AKAP13: variants seen among roughly 807,000 people sequenced by gnomAD.
AKAP13 encodes A-kinase anchor protein 13.
Under a neutral mutation model 264.5 loss-of-function variants are expected in AKAP13, and 80 were observed. The ratio of observed to expected loss-of-function variants is 0.30; its 90% CI spans 0.25 to 0.36. The LOEUF (loss-of-function observed/expected upper bound fraction) is 0.36, where lower values mean the gene tolerates loss of function less well. Ranked by LOEUF, AKAP13 falls within the 10% of genes least tolerant of loss-of-function variation. The probability of loss-of-function intolerance (pLI) is 1.00; values close to 1 mark genes in which losing one functional copy is unlikely to be tolerated. For synonymous variants in AKAP13, 1,380 were observed against 1,250.2 expected (o/e 1.10, Z -2.19); for missense variants, 3,712 against 3,435.2 (o/e 1.08, Z -2.01).
chr15:85,619,152 G>GGGA (rs568427036), intron 8 of AKAP13, among the ~76,000 whole-genome samples: 105 of 151,994 alleles, frequency 6.9e-4, no homozygotes, highest in African/African-American at 2.3e-3. Context: ...TCATAGGGGT[G>GGGA]GGAGGAGGAG....
chr15:85,574,000 A>T (rs1366545925), intron 5 of AKAP13, among the ~76,000 whole-genome samples: 2 of 152,224 alleles, frequency 1.3e-5, no homozygotes, highest in African/African-American at 4.8e-5. Flanking sequence ...GCATATTATG[A>T]AATTAAGGCT....
chr15:85,601,030 C>T (rs1326193109), intron 8 of AKAP13, among the ~76,000 whole-genome samples: 1 of 152,208 alleles, frequency 6.6e-6, no homozygotes, highest in Non-Finnish European at 1.5e-5. Context: ...CTAAAATATC[C>T]ATGTACTTGG....
chr15:85,404,827 A>G (rs889351792), intron 1 of AKAP13, among the ~76,000 whole-genome samples: 3 of 152,220 alleles, frequency 2.0e-5, no homozygotes, highest in South Asian at 2.1e-4. Context: ...TGAAAAGCCA[A>G]TGATTAATTT....
At chr15:85,592,183 A>G (rs188303724) in intron 8 of AKAP13, among the ~76,000 whole-genome samples, 187 of 151,076 alleles carry the variant, frequency 1.2e-3, no homozygotes, top group African/African-American at 3.8e-3. Context: ...GTCTTAGAAT[A>G]TTGCCTGTTA....
At chr15:85,473,555 T>C (rs2075043844) in intron 1 of AKAP13, among the ~76,000 whole-genome samples, 1 of 152,182 alleles carries the variant, frequency 6.6e-6, no homozygotes, top group East Asian at 1.9e-4. Context: ...GTTGGTTCAG[T>C]GCTAGATTAG....
chr15:85,709,295 T>C (rs988461505), intron 18 of AKAP13, among the ~76,000 whole-genome samples: 1 of 152,186 alleles, frequency 6.6e-6, no homozygotes, highest in Non-Finnish European at 1.5e-5. Context: ...TTTATTATTA[T>C]ATAGTTTTTT....
intron 15 of AKAP13, among the ~76,000 whole-genome samples, chr15:85,683,258 C>G (rs1289788305): frequency 2.6e-5 from 4 of 152,168 alleles, no homozygotes; most frequent in Non-Finnish European, 5.9e-5. Context: ...ATTTTGTAAA[C>G]AATGCATATA....
intron 7 of AKAP13, among the ~76,000 whole-genome samples, chr15:85,584,327 T>C (rs1263928990): frequency 6.6e-6 from 1 of 152,174 alleles, no homozygotes; most frequent in African/African-American, 2.4e-5. Context: ...ACCCGTCAAG[T>C]GTGAGTAATC....
rs538674023 is a variant in AKAP13, at chr15:85,509,757, T to G, written c.34-11671T>G. ...TTCAGGGTATTCACAAAGTTAGAAA[T>G]ACAAGGTTTGTGTTTCTTTGGGGTT... On this transcript the variant is annotated intron_variant, in intron 2 of 36. Coordinates refer to ENST00000394518, the MANE Select transcript of AKAP13 (RefSeq NM_007200.5). Among the ~76,000 whole-genome samples the G allele has an allele frequency of 3.3e-5, 5 of 152,348 alleles. No homozygotes were observed. In the South Asian group the frequency reaches 1.0e-3, roughly 32 times the overall value.
At chr15:85,656,240 C>T (rs2151520785) in intron 11 of AKAP13, among the ~76,000 whole-genome samples, 1 of 152,232 alleles carries the variant, frequency 6.6e-6, no homozygotes, top group South Asian at 2.1e-4. Context: ...GAATTAAAAC[C>T]ATCTGTTTCT....
intron 2 of AKAP13, among the ~76,000 whole-genome samples, chr15:85,489,799 G>A (rs1376074457): frequency 1.4e-4 from 21 of 152,160 alleles, no homozygotes; most frequent in Admixed American, 1.4e-3. Context: ...ATGTAAGGAA[G>A]GTTCCAAAGT....
At chr15:85,426,049 G>A (rs1229925698) in intron 1 of AKAP13, among the ~76,000 whole-genome samples, 1 of 152,182 alleles carries the variant, frequency 6.6e-6, no homozygotes, top group East Asian at 1.9e-4. Context: ...CTTGAGCAAT[G>A]GCAGTATTGG....
chr15:85,447,110 T>C (rs994914738), intron 1 of AKAP13, among the ~76,000 whole-genome samples: 4 of 152,058 alleles, frequency 2.6e-5, no homozygotes, highest in African/African-American at 2.4e-5. Context: ...CTACCAAAAA[T>C]ACAAAAATTA....
rs2089426356 is a variant in AKAP13, at chr15:85,748,249, CTGG to C, written c.*3575_*3577del. On this transcript the variant is annotated 3_prime_UTR_variant, in exon 37 of 37. Transcript: ENST00000394518. ...TGGGAGGGAGTTTAGAAAGACAGTC[CTGG>C]TGAATGGGCTTCAAGTGGTCACAAA... is the stretch of plus-strand genomic sequence containing the variant. The C allele has an allele frequency of 6.6e-6, 1 of 152,304 alleles. No homozygotes were observed. Among genetic ancestry groups the C allele is most frequent in the African/African-American group, 2.4e-5 (1 of 41,436 alleles). 9.4% of individuals were successfully genotyped at this position (152,304 alleles called of 1,614,324 possible).
rs1310316379 is a variant in AKAP13 at position 85,746,728 on chromosome 15, C to T, written c.*2051C>T. On this transcript the variant is annotated 3_prime_UTR_variant, in exon 37 of 37. Transcript: ENST00000394518. ...TACAGCTGAATCTGTCGTGACTTTC[C>T]TGAGATCTACCCGGGGCTTGGCTGT... 1 of 152,180 alleles carries T rather than the reference C, an allele frequency of 6.6e-6. No individual in the cohort carries two copies. The highest frequency in any genetic ancestry group is 1.5e-5 in the Non-Finnish European group (1 of 68,040). 9.4% of individuals were successfully genotyped at this position (152,180 alleles called of 1,614,324 possible).
intron 4 of AKAP13, among the ~76,000 whole-genome samples, chr15:85,542,991 A>G (rs945176969): frequency 6.6e-6 from 1 of 152,232 alleles, no homozygotes; most frequent in South Asian, 2.1e-4. Context: ...GGTAAATGCC[A>G]GATTCGAACC....
At chr15:85,652,358 A>G (rs1398460279) in intron 10 of AKAP13, among the ~76,000 whole-genome samples, 2 of 152,234 alleles carry the variant, frequency 1.3e-5, no homozygotes, top group Non-Finnish European at 2.9e-5. Flanking sequence ...AGAAGCACCT[A>G]TATAACTGTC....
intron 8 of AKAP13, among the ~76,000 whole-genome samples, chr15:85,617,923 C>T (rs945694416): frequency 6.6e-6 from 1 of 152,120 alleles, no homozygotes; most frequent in Admixed American, 6.5e-5. Context: ...TCTGTCAAAT[C>T]GTCTTGTTTC....
At chr15:85,390,602 C>T (rs955822235) in intron 1 of AKAP13, among the ~76,000 whole-genome samples, 1 of 152,142 alleles carries the variant, frequency 6.6e-6, no homozygotes, top group Admixed American at 6.5e-5. Context: ...AAAAACTTTA[C>T]TCTTGGCATA....
Sources: allele counts gnomAD v4.1 joint callset (sites outside exome capture counted in the v4.1 genomes callset), GRCh38; gene constraint gnomAD v4.1.1; transcripts MANE v1.5; gene names NCBI Gene and HGNC (gene_info 2026-07-23, HGNC 2026-07-21).